BTBD10: variants seen among roughly 807,000 people sequenced by gnomAD.
The protein encoded by BTBD10 is BTB/POZ domain-containing protein 10.
A neutral mutation model predicts 53.2 loss-of-function variants in BTBD10; 21 were observed. That is an observed-to-expected ratio of 0.39 (90% CI 0.28 to 0.57). The LOEUF is 0.57. Among genes scored for constraint, BTBD10 ranks in the 20% least tolerant of loss-of-function variants. The pLI is 0.53. For missense variants in BTBD10, 360 were observed against 594.7 expected, an observed-to-expected ratio of 0.61 and a Z score of 4.10; for synonymous variants, 149 against 192.7, an observed-to-expected ratio of 0.77 and a Z score of 1.88.
At chr11:13,392,027 T>C (rs1217138072) in intron 8 of BTBD10, among the ~76,000 whole-genome samples, 1 of 152,174 alleles carries the variant, frequency 6.6e-6, no homozygotes, top group Non-Finnish European at 1.5e-5. Flanking sequence ...TACCAACCTA[T>C]TCAGTCAACA....
At chr11:13,453,820 G>A (rs974540428) in intron 1 of BTBD10, among the ~76,000 whole-genome samples, 2 of 152,256 alleles carry the variant, frequency 1.3e-5, no homozygotes, top group East Asian at 1.9e-4. Flanking sequence ...TTGGGAGGCC[G>A]AGGCAGGTGG....
intron 1 of BTBD10, 22 bp downstream of exon 1, chr11:13,463,070 T>G (rs80106255): frequency 0.15 from 23,250 of 152,944 alleles, 2,033 homozygotes; most frequent in Admixed American, 0.24. Context: ...CCCCGCCGAG[T>G]TCCCCAGCTG....
intron 8 of BTBD10, among the ~76,000 whole-genome samples, chr11:13,391,451 C>T (rs1408584412): frequency 7.1e-6 from 1 of 140,028 alleles, no homozygotes; most frequent in Non-Finnish European, 1.6e-5. Flanking sequence ...TGTAACTAAA[C>T]TGTAATTACC....
Position 13,395,260 on chromosome 11 carries a change from T to C in BTBD10, c.1118-6119A>G, listed in dbSNP as rs573683675. On this transcript the variant is annotated intron_variant, in intron 8 of 8. Coordinates refer to ENST00000278174, the MANE Select transcript of BTBD10 (RefSeq NM_032320.7). ...CTAACTGGTGTGAGATGGTATCTCA[T>C]TGTGGTTTTGATTTGCATTTCTCTG... Among the ~76,000 whole-genome samples the C allele has an allele frequency of 1.9e-3, 295 of 152,168 alleles. 2 individuals are homozygous for C. Among genetic ancestry groups the C allele is most frequent in the African/African-American group, 6.8e-3 (281 of 41,544 alleles).
intron 1 of BTBD10, among the ~76,000 whole-genome samples, chr11:13,460,738 A>C (rs1951077221): frequency 6.6e-6 from 1 of 152,222 alleles, no homozygotes; most frequent in Admixed American, 6.5e-5. Flanking sequence ...ATGGAATAAA[A>C]TCCAAGGGAT....
At chr11:13,413,013 G>A (rs1448731626) in intron 6 of BTBD10, among the ~76,000 whole-genome samples, 1 of 152,174 alleles carries the variant, frequency 6.6e-6, no homozygotes, top group Non-Finnish European at 1.5e-5. Flanking sequence ...ACTGCTTTGA[G>A]ACAATATTTG....
rs1565267766 is a variant in BTBD10, at chr11:13,445,024, C to A, written c.101G>T (p.Ser34Ile). 6.2e-7 allele frequency: 1 copy of A among 1,601,450 alleles called. No individual in the cohort carries two copies. Among genetic ancestry groups the A allele is most frequent in the Non-Finnish European group, 8.6e-7 (1 of 1,169,078 alleles). The change falls in exon 2 of 9, where the codon AGT becomes ATT. Residue 34 changes from serine (S) to isoleucine (I), a missense_variant and splice_region_variant. Ser to Ile is a moderately radical substitution (Grantham distance 142, BLOSUM62 -2). Coordinates refer to ENST00000278174, the MANE Select transcript of BTBD10 (RefSeq NM_032320.7). Reference protein sequence around the residue: ...SRPRKLYKHSSTSSRIAKGGV... With the variant: ...SRPRKLYKHSITSSRIAKGGV... The stretch of plus-strand genomic sequence containing the variant: ...TGCGAAATACATATTTTCTACCTAC[C>A]TTGAATGTTTATAAAGTTTACGAGG...
At chr11:13,417,954 G>A (rs1386738534) in intron 4 of BTBD10, among the ~76,000 whole-genome samples, 1 of 152,142 alleles carries the variant, frequency 6.6e-6, no homozygotes, top group East Asian at 1.9e-4. Flanking sequence ...CCCTTCAACA[G>A]TGGCTGTTTA....
chr11:13,439,839 A>C lies in BTBD10; in HGVS notation c.101+5185T>G, dbSNP rs569507363. The C allele has an allele frequency of 6.3e-6, 9 of 1,422,096 alleles. No individual in the cohort carries two copies. In the Admixed American group the frequency reaches 2.2e-4, roughly 35 times the overall value. 88.1% of individuals were successfully genotyped at this position (1,422,096 alleles called of 1,614,324 possible). On this transcript the variant is annotated intron_variant, in intron 2 of 8. Coordinates refer to ENST00000278174, the MANE Select transcript of BTBD10 (RefSeq NM_032320.7). Reference sequence around the variant, plus strand: ...ATCTTTCTTTCAAATTCATATATGTAAATAATTATAACCCAGAGATATCAT... The same window carrying C: ...ATCTTTCTTTCAAATTCATATATGTCAATAATTATAACCCAGAGATATCAT...
intron 5 of BTBD10, among the ~76,000 whole-genome samples, chr11:13,415,015 C>A (rs1950066015): frequency 6.6e-6 from 1 of 151,806 alleles, no homozygotes. Context: ...CCCTATCTGT[C>A]TTCCATCACA....
intron 8 of BTBD10, among the ~76,000 whole-genome samples, chr11:13,390,344 A>G (rs1183890491): frequency 2.0e-5 from 3 of 151,612 alleles, no homozygotes; most frequent in African/African-American, 7.3e-5. Context: ...GAGCACGTGT[A>G]TGTTTTTCTT....
intron 8 of BTBD10, among the ~76,000 whole-genome samples, chr11:13,392,829 T>C (rs1949443745): frequency 6.6e-6 from 1 of 152,212 alleles, no homozygotes; most frequent in Non-Finnish European, 1.5e-5. Context: ...TTAGAGTTTG[T>C]TGTCTTAAAC....
chr11:13,416,895 G>A (rs891847720), intron 5 of BTBD10, among the ~76,000 whole-genome samples: 1 of 152,120 alleles, frequency 6.6e-6, no homozygotes, highest in African/African-American at 2.4e-5. Flanking sequence ...TGTGGCAGGA[G>A]GATTGCTTGA....
At chr11:13,406,560 TGA>T (rs72242186) in intron 6 of BTBD10, among the ~76,000 whole-genome samples, 1,983 of 140,694 alleles carry the variant, frequency 0.014, 28 homozygotes, top group African/African-American at 0.041. Flanking sequence ...TACGCATGAG[TGA>T]GAGAGAGAGA....
At chr11:13,457,155 C>A (rs1950986955) in intron 1 of BTBD10, among the ~76,000 whole-genome samples, 1 of 151,676 alleles carries the variant, frequency 6.6e-6, no homozygotes, top group African/African-American at 2.4e-5. Context: ...GAGTGAGACC[C>A]TGTCTCAAAA....
Position 13,449,943 on chromosome 11 carries a change from CA to C in BTBD10, c.-57-4763del, listed in dbSNP as rs529220057. Among the ~76,000 whole-genome samples, 19 of 152,244 alleles carry C rather than the reference CA, an allele frequency of 1.2e-4. 1 individual carries two copies. In the South Asian group the frequency reaches 3.1e-3, roughly 25 times the overall value. ...ACTTTTACAATGGGGATAAAGTTTC[CA>C]ACACATGGATTTTTGGGGACACAGT... On this transcript the variant is annotated intron_variant, in intron 1 of 8. Coordinates refer to ENST00000278174, the MANE Select transcript of BTBD10 (RefSeq NM_032320.7).
chr11:13,446,584 G>C (rs1950753156), intron 1 of BTBD10, among the ~76,000 whole-genome samples: 1 of 152,108 alleles, frequency 6.6e-6, no homozygotes, highest in African/African-American at 2.4e-5. Context: ...AGGAAGAACT[G>C]CTGATTCAAA....
Position 13,388,828 on chromosome 11 carries a change from G to A in BTBD10, c.*3C>T, listed in dbSNP as rs966419705. 5 of 1,606,822 alleles carry A rather than the reference G, an allele frequency of 3.1e-6. No individual in the cohort carries two copies. Among genetic ancestry groups the A allele is most frequent in the African/African-American group, 1.3e-5 (1 of 74,864 alleles). The stretch of plus-strand genomic sequence containing the variant: ...CATGCTATGGTTTCAAGGAAGATCA[G>A]CATCACAGCATTGGATTCTGTGCAT... On this transcript the variant is annotated 3_prime_UTR_variant, in exon 9 of 9. Transcript: ENST00000278174.
chr11:13,430,999 A>ACACACACG (rs1369262845), intron 2 of BTBD10, among the ~76,000 whole-genome samples: 3 of 150,858 alleles, frequency 2.0e-5, no homozygotes, highest in Admixed American at 2.0e-4. Flanking sequence ...ACACACACAC[A>ACACACACG]CACAGATATA....
Sources: gnomAD v4.1 joint callset for allele counts (sites outside exome capture counted in the v4.1 genomes callset) on GRCh38, gnomAD v4.1.1 for gene constraint, MANE v1.5 for transcripts, NCBI Gene and HGNC (gene_info 2026-07-23, HGNC 2026-07-21) for gene names.